Variants in COL6A6 observed in about 807,000 individuals in gnomAD.
COL6A6 encodes the protein collagen type VI alpha 6 chain, also known as collagen alpha-6(VI) chain.
A neutral mutation model predicts 208.6 loss-of-function variants in COL6A6; 183 were observed. That is an observed-to-expected ratio of 0.88 (90% CI 0.78 to 0.99). The LOEUF (loss-of-function observed/expected upper bound fraction) is 0.99, where lower values mean the gene tolerates loss of function less well. Ranked by LOEUF, COL6A6 falls within the 50% of genes least tolerant of loss-of-function variation. The probability of loss-of-function intolerance (pLI) is 0.00; values close to 1 mark genes in which losing one functional copy is unlikely to be tolerated. For missense variants in COL6A6, 2,816 were observed against 2,815.2 expected (o/e 1.00, Z -0.01); for synonymous variants, 973 against 1,011.8 (o/e 0.96, Z 0.73).
chr3:130,637,160 T>C (rs962820761), intron 28 of COL6A6, among the ~76,000 whole-genome samples: 1 of 83,902 alleles, frequency 1.2e-5, no homozygotes, highest in African/African-American at 5.2e-5. Context: ...CTTGTCCTCA[T>C]ACATGTTTTT....
Position 130,635,584 on chromosome 3 carries a change from G to A in COL6A6, c.5029-115G>A, listed in dbSNP as rs2065088043. On this transcript the variant is annotated intron_variant, in intron 27 of 36. Coordinates refer to ENST00000358511, the MANE Select transcript of COL6A6 (RefSeq NM_001102608.3). The stretch of plus-strand genomic sequence containing the variant: ...ACACTCACACTCTTCAAAGATGACT[G>A]TTAAAAATGCATACGAAAAATGTCT... The A allele has an allele frequency of 5.7e-6, 4 of 701,304 alleles. No individual in the cohort carries two copies. In the Admixed American group the frequency reaches 7.5e-5, roughly 13 times the overall value. The allele number at this position is 701,304 out of a possible 1,614,324, so 43.4% of individuals were successfully genotyped here.
intron 23 of COL6A6, among the ~76,000 whole-genome samples, chr3:130,616,963 C>A (rs891234356): frequency 6.6e-6 from 1 of 152,110 alleles, no homozygotes; most frequent in Non-Finnish European, 1.5e-5. Flanking sequence ...AGAACATTGC[C>A]TGCAGTCACA....
intron 20 of COL6A6, among the ~76,000 whole-genome samples, chr3:130,601,029 A>G (rs1336399456): frequency 6.6e-6 from 1 of 152,126 alleles, no homozygotes; most frequent in Non-Finnish European, 1.5e-5. Flanking sequence ...AGTACTTTAA[A>G]AAATTTGTGT....
intron 36 of COL6A6, among the ~76,000 whole-genome samples, chr3:130,669,596 G>C (rs986168447): frequency 1.2e-4 from 19 of 152,032 alleles, no homozygotes; most frequent in Non-Finnish European, 2.6e-4. Context: ...ATTCTCATGT[G>C]AGAAAAGTTA....
At chr3:130,585,957 T>C (rs1444100434) in intron 10 of COL6A6, among the ~76,000 whole-genome samples, 1 of 152,144 alleles carries the variant, frequency 6.6e-6, no homozygotes, top group Non-Finnish European at 1.5e-5. Context: ...ATGTAGAACA[T>C]GTATTTTCTG....
intron 1 of COL6A6, among the ~76,000 whole-genome samples, chr3:130,550,727 G>C (rs532799289): frequency 9.2e-5 from 14 of 152,194 alleles, no homozygotes; most frequent in Middle Eastern, 3.4e-3. Flanking sequence ...CCTCCCCCTG[G>C]GTCCCTCCCA....
At chr3:130,576,322 C>G (rs372374687) in intron 8 of COL6A6, among the ~76,000 whole-genome samples, 2 of 152,276 alleles carry the variant, frequency 1.3e-5, no homozygotes, top group Admixed American at 6.5e-5. Context: ...GCCCACAGCA[C>G]ATCAACAGCT....
Position 130,574,555 on chromosome 3 carries a change from T to A in COL6A6, c.3547+30T>A, listed in dbSNP as rs374363350. 341 of 1,553,430 alleles carry A rather than the reference T, an allele frequency of 2.2e-4. No homozygotes were observed. The Middle Eastern group carries it at 2.5e-3, about 11-fold the overall frequency. On this transcript the variant is annotated intron_variant, in intron 8 of 36. Coordinates refer to ENST00000358511, the MANE Select transcript of COL6A6 (RefSeq NM_001102608.3). ...GTATTTAGCAAGTTCTTCATTCGAT[T>A]CCCTACACCATCTTCTCTGGCATTT...
At chr3:130,598,168 C>T (rs547805066) in intron 18 of COL6A6, among the ~76,000 whole-genome samples, 197 bp from the exon 19 acceptor site, 9 of 152,206 alleles carry the variant, frequency 5.9e-5, no homozygotes, top group Admixed American at 3.3e-4. Context: ...CTTAGGTCTC[C>T]GTTCTCTCTC....
At chr3:130,626,746 C>T (rs2064899394) in intron 25 of COL6A6, among the ~76,000 whole-genome samples, 199 bp downstream of exon 25, 3 of 152,158 alleles carry the variant, frequency 2.0e-5, no homozygotes, top group East Asian at 1.9e-4. Context: ...AGGTGCCAAA[C>T]ATCATGGCCA....
chr3:130,617,271 A>G (rs922857427), intron 23 of COL6A6, among the ~76,000 whole-genome samples: 1 of 152,164 alleles, frequency 6.6e-6, no homozygotes, highest in African/African-American at 2.4e-5. Flanking sequence ...CGTATACCCA[A>G]TCTCATAAAG....
intron 33 of COL6A6, among the ~76,000 whole-genome samples, chr3:130,657,896 G>T (rs2065835551): frequency 6.6e-6 from 1 of 152,158 alleles, no homozygotes. Context: ...ATTAGATAAG[G>T]TCATGCCTAC....
intron 1 of COL6A6, among the ~76,000 whole-genome samples, chr3:130,553,506 G>C (rs866140068): frequency 6.6e-6 from 1 of 151,968 alleles, no homozygotes; most frequent in East Asian, 1.9e-4. Flanking sequence ...AGATCAGTTT[G>C]GTTCTTTTTT....
intron 31 of COL6A6, among the ~76,000 whole-genome samples, chr3:130,644,018 G>T (rs2065393759): frequency 6.6e-6 from 1 of 152,164 alleles, no homozygotes; most frequent in Admixed American, 6.5e-5. Context: ...AAATTGTAAT[G>T]ACTCAAGGGC....
At chr3:130,591,212 A>C in intron 13 of COL6A6, 118 bp downstream of exon 13, 10 of 782,642 alleles carry the variant, frequency 1.3e-5, no homozygotes, top group Non-Finnish European at 2.2e-5. Context: ...CGTGTACAGA[A>C]TCTCAGATCT....
At chr3:130,661,278 G>A (rs972251329) in intron 34 of COL6A6, among the ~76,000 whole-genome samples, 6 of 152,134 alleles carry the variant, frequency 3.9e-5, no homozygotes, top group African/African-American at 1.4e-4. Context: ...CAATCTAGAG[G>A]GATGAGTCAC....
At chr3:130,581,408 T>A (rs934636758) in intron 8 of COL6A6, among the ~76,000 whole-genome samples, 153 bp from the exon 9 acceptor site, 2 of 152,212 alleles carry the variant, frequency 1.3e-5, no homozygotes, top group African/African-American at 4.8e-5. Context: ...AAGAGTTGAT[T>A]CTTAGCCTCT....
At chr3:130,540,518 C>T (rs9828707) in intron 1 of COL6A6, among the ~76,000 whole-genome samples, 121,790 of 152,148 alleles carry the variant, frequency 0.8, 49,470 homozygotes, top group Non-Finnish European at 0.87. Flanking sequence ...TTTAATTAAG[C>T]TCCAGGATAC....
intron 33 of COL6A6, among the ~76,000 whole-genome samples, chr3:130,650,550 G>A (rs1279569111): frequency 5.3e-5 from 8 of 151,520 alleles, no homozygotes; most frequent in Admixed American, 5.3e-4. Flanking sequence ...GAACCCAGGC[G>A]GCAGAGCCAA....
Sources: gnomAD v4.1 joint callset for allele counts (sites outside exome capture counted in the v4.1 genomes callset) on GRCh38, gnomAD v4.1.1 for gene constraint, MANE v1.5 for transcripts, NCBI Gene and HGNC (gene_info 2026-07-23, HGNC 2026-07-21) for gene names.